The following RSF1 variants were observed in gnomAD, a reference collection of about 807,000 sequenced individuals.
The protein encoded by RSF1 is HBV pX-associated protein 8.
Under a neutral mutation model 145.2 loss-of-function variants are expected in RSF1, and 13 were observed. The ratio of observed to expected loss-of-function variants is 0.09; its 90% CI spans 0.06 to 0.14. The LOEUF (loss-of-function observed/expected upper bound fraction) is 0.14, where lower values mean the gene tolerates loss of function less well. Among genes scored for constraint, RSF1 ranks in the 10% least tolerant of loss-of-function variants. The pLI, the probability that RSF1 is intolerant of heterozygous loss-of-function variation, is 1.00. For synonymous variants in RSF1, 577 were observed against 592.6 expected (o/e 0.97, Z 0.38); for missense variants, 1,517 against 1,718.2 (o/e 0.88, Z 2.07).
chr11:77,722,730 G>A (rs1233882045), intron 5 of RSF1, among the ~76,000 whole-genome samples: 1 of 152,198 alleles, frequency 6.6e-6, no homozygotes, highest in Non-Finnish European at 1.5e-5. Flanking sequence ...TCCATATGCA[G>A]CATTTGGTAG....
intron 11 of RSF1, among the ~76,000 whole-genome samples, chr11:77,681,518 G>A (rs372029939): frequency 9.2e-5 from 14 of 151,916 alleles, no homozygotes; most frequent in African/African-American, 3.4e-4. Flanking sequence ...GGGCTGAAAC[G>A]ATCCTCCTGC....
chr11:77,840,491 T>C, the RSF1 span, among the ~76,000 whole-genome samples: 1 of 152,058 alleles, frequency 6.6e-6, no homozygotes, highest in African/African-American at 2.4e-5. Flanking sequence ...ATCGCACCAC[T>C]GCACTCCAGC....
At chr11:77,698,097 C>G (rs1215025855) in intron 7 of RSF1, among the ~76,000 whole-genome samples, 1 of 152,238 alleles carries the variant, frequency 6.6e-6, no homozygotes, top group African/African-American at 2.4e-5. Context: ...CCTCCTACCT[C>G]AGCCACCTGA....
the RSF1 span, among the ~76,000 whole-genome samples, chr11:77,860,250 T>C: frequency 6.6e-6 from 1 of 152,248 alleles, no homozygotes; most frequent in African/African-American, 2.4e-5. Flanking sequence ...TAAATGGGTA[T>C]TGCTTTCTGA....
chr11:77,718,146 A>G (rs1960859452), intron 5 of RSF1: 3 of 152,278 alleles, frequency 2.0e-5, no homozygotes, highest in Admixed American at 2.0e-4. Context: ...GTCTCTACTA[A>G]AAATACAAAA....
chr11:77,728,631 G>A lies in RSF1; in HGVS notation c.579-2932C>T, dbSNP rs575875060. Among the ~76,000 whole-genome samples, 21 of 151,962 alleles carry A rather than the reference G, an allele frequency of 1.4e-4. No individual in the cohort carries two copies. In the South Asian group the frequency reaches 4.4e-3, roughly 32 times the overall value. On this transcript the variant is annotated intron_variant, in intron 4 of 15. Coordinates refer to ENST00000308488, the MANE Select transcript of RSF1 (RefSeq NM_016578.4). ...GAAGGGAGAAGGGAGACGGGAGAAG[G>A]GAAGGGAAGGAAAGGAAAGGGAAAG...
intron 5 of RSF1, among the ~76,000 whole-genome samples, chr11:77,712,748 T>C (rs1035900134): frequency 2.6e-5 from 4 of 152,188 alleles, no homozygotes; most frequent in Non-Finnish European, 5.9e-5. Context: ...AGCTGCCCCT[T>C]CACCTTTATT....
rs76858308 is a variant in RSF1, at chr11:77,681,011, A to C, written c.3065+2699T>G. Among the ~76,000 whole-genome samples, 1,287 of 152,320 alleles carry C rather than the reference A, an allele frequency of 8.4e-3. 20 individuals carry two copies. Among genetic ancestry groups the C allele is most frequent in the African/African-American group, 0.028 (1,178 of 41,566 alleles). ...TCGCTAAAATCAAAGACCATCAGAA[A>C]CTTCAGGCATATGAAACTATTTCAC... is the stretch of plus-strand genomic sequence containing the variant. On this transcript the variant is annotated intron_variant, in intron 11 of 15. Transcript: ENST00000308488.
At chr11:77,837,870 C>T in the RSF1 span, among the ~76,000 whole-genome samples, 1 of 151,978 alleles carries the variant, frequency 6.6e-6, no homozygotes, top group Non-Finnish European at 1.5e-5. Context: ...ACATGGGCAA[C>T]ATAGTGAGAC....
chr11:77,771,644 G>T (rs967712457), intron 1 of RSF1, among the ~76,000 whole-genome samples: 1 of 152,076 alleles, frequency 6.6e-6, no homozygotes, highest in African/African-American at 2.4e-5. Context: ...TAATCTAGGC[G>T]GCAGGAAGCA....
At chr11:77,677,888 A>G (rs545805133) in intron 12 of RSF1, among the ~76,000 whole-genome samples, 198 bp downstream of exon 12, 1 of 152,372 alleles carries the variant, frequency 6.6e-6, no homozygotes, top group East Asian at 1.9e-4. Flanking sequence ...ACTGCTTTAA[A>G]AGTAGTTAGT....
chr11:77,803,085 G>A (rs1241922756), intron 1 of RSF1, among the ~76,000 whole-genome samples: 8 of 152,320 alleles, frequency 5.3e-5, no homozygotes, highest in Non-Finnish European at 7.3e-5. Context: ...TGTGAGATTA[G>A]AGGGTAGGGG....
chr11:77,754,907 T>G (rs1409877259), intron 2 of RSF1, among the ~76,000 whole-genome samples: 4 of 152,000 alleles, frequency 2.6e-5, no homozygotes, highest in African/African-American at 9.7e-5. Context: ...AAGTCAAGGT[T>G]GCAGTGATCC....
intron 2 of RSF1, among the ~76,000 whole-genome samples, chr11:77,757,101 G>T (rs1948123672): frequency 6.6e-6 from 1 of 152,142 alleles, no homozygotes; most frequent in African/African-American, 2.4e-5. Context: ...GATGAATGAG[G>T]TTTTAGTGGA....
At chr11:77,837,596 C>T in the RSF1 span, among the ~76,000 whole-genome samples, 2 of 151,724 alleles carry the variant, frequency 1.3e-5, no homozygotes, top group Non-Finnish European at 1.5e-5. Context: ...TCACTACGCC[C>T]GGCTAATTTT....
chr11:77,837,980 G>A, the RSF1 span, among the ~76,000 whole-genome samples: 5 of 152,260 alleles, frequency 3.3e-5, no homozygotes, highest in East Asian at 1.9e-4. Context: ...GCCTGAGGTG[G>A]GAAGATCACT....
At chr11:77,860,918 T>G in the RSF1 span, among the ~76,000 whole-genome samples, 1 of 152,164 alleles carries the variant, frequency 6.6e-6, no homozygotes, top group East Asian at 1.9e-4. Context: ...GTTCACTGTC[T>G]GTTGGGTTTC....
At chr11:77,698,254 T>C (rs1213980198) in intron 7 of RSF1, among the ~76,000 whole-genome samples, 4 of 152,204 alleles carry the variant, frequency 2.6e-5, no homozygotes, top group Non-Finnish European at 5.9e-5. Flanking sequence ...TTGAGGTGTA[T>C]TATTATGTAG....
intron 4 of RSF1, chr11:77,739,202 G>A (rs1011108063): frequency 6.6e-6 from 1 of 152,588 alleles, no homozygotes; most frequent in Admixed American, 6.5e-5. Context: ...GCTTCCCAAA[G>A]TGCTGAGATT....
Sources: allele counts gnomAD v4.1 joint callset (sites outside exome capture counted in the v4.1 genomes callset), GRCh38; gene constraint gnomAD v4.1.1; transcripts MANE v1.5; gene names NCBI Gene and HGNC (gene_info 2026-07-23, HGNC 2026-07-21).